APOL5: variants seen among roughly 807,000 people sequenced by gnomAD.
The protein encoded by APOL5 is apolipoprotein L, 5.
APOL5 carries 29 observed loss-of-function variants against 35.5 expected under a neutral mutation model. That is an observed-to-expected ratio of 0.82 (90% CI 0.61 to 1.11). The LOEUF (loss-of-function observed/expected upper bound fraction) is 1.11. Ranked by LOEUF, APOL5 falls within the 50% of genes most tolerant of loss-of-function variation. The pLI is 0.00. For synonymous variants in APOL5, 188 were observed against 200.2 expected (o/e 0.94, Z 0.51); for missense variants, 514 against 530.4 (o/e 0.97, Z 0.30).
At chr22:35,727,326 T>C in intron 3 of APOL5, 132 bp downstream of exon 3, 1 of 1,335,262 alleles carries the variant, frequency 7.5e-7, no homozygotes, top group South Asian at 1.5e-5. Context: ...AGAGAGGACT[T>C]GCCGCACACC....
rs1927268342 is a variant in APOL5 at position 35,728,807 on chromosome 22, C to G, written c.1211C>G (p.Thr404Arg). Residue 404 changes from threonine to arginine, a missense_variant, in exon 4 of 5, where the codon ACA (threonine) becomes AGA (arginine). Around this residue, in one of 3 missense-constraint regions of APOL5, gnomAD observed 238 missense variants for 229.1 expected, o/e 1.04. Coordinates refer to ENST00000249044, the MANE Select transcript of APOL5 (RefSeq NM_030642.1). ...PGVALRTPKR[T>R]VSAPRMLGHQ... ...GTGGCACTGAGGACACCAAAGAGGACAGTCTCTGCCCCAAGGATGCTTGGC... is the reference window on the plus strand; with the variant it reads ...GTGGCACTGAGGACACCAAAGAGGAGAGTCTCTGCCCCAAGGATGCTTGGC... 1.2e-6 allele frequency: 2 copies of G among 1,613,370 alleles called. No individual in the cohort carries two copies. Among genetic ancestry groups the G allele is most frequent in the Non-Finnish European group, 1.7e-6 (2 of 1,179,732 alleles).
At chr22:35,711,872 G>C in the APOL5 span, among the ~76,000 whole-genome samples, 1 of 151,822 alleles carries the variant, frequency 6.6e-6, no homozygotes, top group Non-Finnish European at 1.5e-5. Flanking sequence ...ACGGGGTTTC[G>C]CCATGTTGGC....
At chr22:35,716,058 G>T (rs375081193), upstream of APOL5, among the ~76,000 whole-genome samples, 5 of 151,856 alleles carry the variant, frequency 3.3e-5, no homozygotes, top group African/African-American at 1.2e-4. Flanking sequence ...GAAATAAATA[G>T]GACACAAAAG....
upstream of APOL5, among the ~76,000 whole-genome samples, chr22:35,717,235 A>AAATATATATATATATATATATAT: frequency 3.6e-4 from 21 of 57,648 alleles, no homozygotes; most frequent in African/African-American, 1.6e-3. Flanking sequence ...AAAAAAAAAA[A>AAATATATATATATATATATATAT]ATATATATAT....
At chr22:35,728,247 G>A (rs991097889) in intron 3 of APOL5, among the ~76,000 whole-genome samples, 1 of 151,922 alleles carries the variant, frequency 6.6e-6, no homozygotes, top group African/African-American at 2.4e-5. Flanking sequence ...TTTTTGAGAC[G>A]GAGTCTCGCT....
At chr22:35,716,038 G>C (rs1926733763), upstream of APOL5, among the ~76,000 whole-genome samples, 1 of 151,998 alleles carries the variant, frequency 6.6e-6, no homozygotes, top group Admixed American at 6.5e-5. Flanking sequence ...CTACATCCAA[G>C]AGATAACCTG....
the APOL5 span, among the ~76,000 whole-genome samples, chr22:35,710,589 G>T: frequency 6.6e-6 from 1 of 151,954 alleles, no homozygotes; most frequent in Non-Finnish European, 1.5e-5. Context: ...TAAGGGTACA[G>T]GTCAGTGGCA....
intron 1 of APOL5, among the ~76,000 whole-genome samples, chr22:35,719,155 C>T (rs893561216): frequency 1.3e-5 from 2 of 151,876 alleles, no homozygotes; most frequent in African/African-American, 2.4e-5. Flanking sequence ...TGAAAAATAA[C>T]GGGAAGTAGA....
chr22:35,709,367 T>TCACACA, the APOL5 span, among the ~76,000 whole-genome samples: 26 of 149,930 alleles, frequency 1.7e-4, no homozygotes, highest in African/African-American at 4.4e-4. Context: ...CACAAAATTT[T>TCACACA]CACACACACA....
upstream of APOL5, among the ~76,000 whole-genome samples, chr22:35,715,806 G>A (rs904160472): frequency 6.6e-6 from 1 of 152,174 alleles, no homozygotes; most frequent in Non-Finnish European, 1.5e-5. Flanking sequence ...TCAAGGTGAA[G>A]CTCCGGGCTG....
At chr22:35,716,230 A>G (rs1185772418), upstream of APOL5, among the ~76,000 whole-genome samples, 2 of 152,252 alleles carry the variant, frequency 1.3e-5, no homozygotes, top group Non-Finnish European at 1.5e-5. Context: ...TTATGATAAA[A>G]TAATGAATAA....
chr22:35,726,502 G>A lies in APOL5; in HGVS notation c.434G>A (p.Gly145Glu). Reference protein sequence around the residue: ...TKTSLVASSSGAVSGVMNILG... With the variant: ...TKTSLVASSSEAVSGVMNILG... ...ACCAGCCTGGTGGCCAGCTCTTCCGGGGCTGTTTCTGGGGTCATGAACATC... is the reference window on the plus strand; with the variant it reads ...ACCAGCCTGGTGGCCAGCTCTTCCGAGGCTGTTTCTGGGGTCATGAACATC... Residue 145 changes from glycine to glutamate, a missense_variant, in exon 3 of 5, where the codon GGG (glycine) becomes GAG (glutamate). Around this residue, in one of 3 missense-constraint regions of APOL5, gnomAD observed 254 missense variants for 254.7 expected, o/e 1.00. Transcript: ENST00000249044. 8 of 1,614,132 alleles carry A rather than the reference G, an allele frequency of 5.0e-6. No individual in the cohort carries two copies. Among genetic ancestry groups the A allele is most frequent in the Non-Finnish European group, 6.8e-6 (8 of 1,180,028 alleles).
chr22:35,714,913 C>T (rs947331508), upstream of APOL5, among the ~76,000 whole-genome samples: 12 of 152,136 alleles, frequency 7.9e-5, no homozygotes, highest in East Asian at 1.9e-4. Context: ...GTTTGGGAGA[C>T]GTGAGTCAAA....
upstream of APOL5, among the ~76,000 whole-genome samples, chr22:35,714,248 G>A (rs150708074): frequency 2.2e-4 from 34 of 152,296 alleles, no homozygotes; most frequent in East Asian, 5.6e-3. Flanking sequence ...GGCGGCGGAG[G>A]TTGCAGTGAG....
At chr22:35,716,129 C>T (rs1926736901), upstream of APOL5, among the ~76,000 whole-genome samples, 1 of 152,138 alleles carries the variant, frequency 6.6e-6, no homozygotes, top group Admixed American at 6.5e-5. Flanking sequence ...ACAATATTAA[C>T]ATTTAACAGT....
At chr22:35,716,222 A>T (rs1383743042), upstream of APOL5, among the ~76,000 whole-genome samples, 3 of 152,248 alleles carry the variant, frequency 2.0e-5, no homozygotes, top group Non-Finnish European at 4.4e-5. Context: ...GGGAGATTTT[A>T]TGATAAAATA....
chr22:35,727,738 T>TA (rs1927220222), intron 3 of APOL5, among the ~76,000 whole-genome samples: 1 of 152,214 alleles, frequency 6.6e-6, no homozygotes, highest in South Asian at 2.1e-4. Context: ...GTGCCGGAAA[T>TA]ACGTGTTGAA....
the APOL5 span, among the ~76,000 whole-genome samples, chr22:35,712,332 C>T: frequency 1.3e-5 from 2 of 151,922 alleles, no homozygotes; most frequent in East Asian, 1.9e-4. Context: ...CGGTAAGAGT[C>T]GTCTGCATAA....
Position 35,728,715 on chromosome 22 carries a change from T to C in APOL5, c.1127-8T>C. The C allele has an allele frequency of 6.2e-7, 1 of 1,609,800 alleles. No homozygotes were observed. Among genetic ancestry groups the C allele is most frequent in the Non-Finnish European group, 8.5e-7 (1 of 1,178,368 alleles). On this transcript the variant is annotated splice_polypyrimidine_tract_variant and splice_region_variant and intron_variant, in intron 3 of 4. Transcript: ENST00000249044. ...AAGTTGTAAGACACAGGGACTCATG[T>C]TCCACAGGGTCTCGCTCACCTCTCC...
Sources: allele counts gnomAD v4.1 joint callset (sites outside exome capture counted in the v4.1 genomes callset), GRCh38; gene constraint gnomAD v4.1.1; regional missense constraint gnomAD v4.1.1; transcripts MANE v1.5; gene names NCBI Gene and HGNC (gene_info 2026-07-23, HGNC 2026-07-21).